PRDM12: variants seen among roughly 807,000 people sequenced by gnomAD.
PRDM12 encodes the protein PR domain zinc finger protein 12.
PRDM12 carries 17 observed loss-of-function variants against 29.6 expected under a neutral mutation model. The observed-to-expected ratio is 0.57, with a 90% CI of 0.39 to 0.86. The LOEUF (loss-of-function observed/expected upper bound fraction) is 0.86. Among genes scored for constraint, PRDM12 ranks in the 40% least tolerant of loss-of-function variants. The pLI, the probability that PRDM12 is intolerant of heterozygous loss-of-function variation, is 0.00. For synonymous variants in PRDM12, 231 were observed against 225.8 expected (o/e 1.02, Z -0.21); for missense variants, 422 against 510.8 (o/e 0.83, Z 1.68).
At chr9:130,675,728 C>T (rs1193918921) in intron 3 of PRDM12, among the ~76,000 whole-genome samples, 2 of 152,220 alleles carry the variant, frequency 1.3e-5, no homozygotes, top group African/African-American at 4.8e-5. Context: ...CCCGAGGTGA[C>T]TTGCTCAGCA....
At chr9:130,674,366 C>T (rs1458801968) in intron 3 of PRDM12, among the ~76,000 whole-genome samples, 4 of 151,974 alleles carry the variant, frequency 2.6e-5, no homozygotes, top group Admixed American at 6.6e-5. Context: ...CCAGGCTGGT[C>T]TTGAACCCCT....
chr9:130,669,390 G>A (rs1830766549), intron 3 of PRDM12, among the ~76,000 whole-genome samples: 1 of 152,010 alleles, frequency 6.6e-6, no homozygotes, highest in African/African-American at 2.4e-5. Flanking sequence ...GGGCGTGGTG[G>A]CAGACGCCTG....
In PRDM12 at chr9:130,681,257, A is replaced by C; in HGVS notation, c.692A>C (p.His231Pro). 1 of 1,467,828 alleles carries C rather than the reference A, an allele frequency of 6.8e-7. No homozygotes were observed. The highest frequency in any genetic ancestry group is 2.0e-5 in the Admixed American group (1 of 50,614). 90.9% of individuals were successfully genotyped at this position (1,467,828 alleles called of 1,614,324 possible). A position where few individuals can be genotyped will look rare whatever the true frequency, so the allele number is the denominator to read the frequency against. The change falls in exon 5 of 5, where the codon CAC becomes CCC. Residue 231 changes from histidine (H) to proline (P), a missense_variant. Around this residue, in one of 5 missense-constraint regions of PRDM12, gnomAD observed 300 missense variants for 350.0 expected, o/e 0.86. Coordinates refer to ENST00000253008, the MANE Select transcript of PRDM12 (RefSeq NM_021619.3). This position sits in a 1 kb window ranked among gnomAD's most constrained non-coding sequence, Gnocchi z 8.1. Reference sequence around the variant, plus strand: ...CCCGCCCCGCGGCCAGAGGACTTCCACCCGGCGGACTCGGCGGCTGGCCCC... The same window carrying C: ...CCCGCCCCGCGGCCAGAGGACTTCCCCCCGGCGGACTCGGCGGCTGGCCCC... ...DQKKNKHEDF[H>P]PADSAAGPAG...
In PRDM12 at chr9:130,668,077, AGT is replaced by A. The variant is rs1830749822; in HGVS notation, c.415-71_415-70del. 61 of 1,482,008 alleles carry A rather than the reference AGT, an allele frequency of 4.1e-5. No individual in the cohort carries two copies. Among genetic ancestry groups the A allele is most frequent in the South Asian group, 1.2e-4 (10 of 83,666 alleles). 91.8% of individuals were successfully genotyped at this position (1,482,008 alleles called of 1,614,324 possible). ...TCCTGGGGCTGTTGTGAGGATGGAG[AGT>A]GTGTGTGTGGATGTGCCTGGAAGAT... On this transcript the variant is annotated intron_variant, in intron 2 of 4. Transcript: ENST00000253008. This position sits in a 1 kb window ranked among gnomAD's most constrained non-coding sequence, Gnocchi z 4.0.
chr9:130,672,431 T>C lies in PRDM12; in HGVS notation c.570+4118T>C, dbSNP rs149880305. ...CTCAGACTCCTGACCTCAAGCGATCTGCCCGCCTCGGCCTCCCAAAGTGCT... is the reference window on the plus strand; with the variant it reads ...CTCAGACTCCTGACCTCAAGCGATCCGCCCGCCTCGGCCTCCCAAAGTGCT... On this transcript the variant is annotated intron_variant, in intron 3 of 4. Transcript: ENST00000253008. Among the ~76,000 whole-genome samples, 668 of 152,304 alleles carry C rather than the reference T, an allele frequency of 4.4e-3. 6 individuals carry two copies. Among genetic ancestry groups the C allele is most frequent in the African/African-American group, 0.016 (646 of 41,570 alleles).
Position 130,668,330 on chromosome 9 carries a change from G to A in PRDM12, c.570+17G>A, listed in dbSNP as rs1362393942. On this transcript the variant is annotated intron_variant, in intron 3 of 4. Coordinates refer to ENST00000253008, the MANE Select transcript of PRDM12 (RefSeq NM_021619.3). The surrounding 1 kb of genome is among the most constrained non-coding windows in gnomAD (Gnocchi z 4.0). ...GCCATTGAGGTGTGTGTGTGTGTGT[G>A]CACTGTTGTGTAGGGACCAGCCGGT... 4 of 1,612,804 alleles carry A rather than the reference G, an allele frequency of 2.5e-6. No individual in the cohort carries two copies. Among genetic ancestry groups the A allele is most frequent in the East Asian group, 2.2e-5 (1 of 44,870 alleles).
chr9:130,680,659 A>ATATATATATATATATATATTTTT, intron 4 of PRDM12, among the ~76,000 whole-genome samples: 4 of 72,160 alleles, frequency 5.5e-5, no homozygotes, highest in East Asian at 6.4e-4. Context: ...ATATATATAT[A>ATATATATATATATATATATTTTT]TTTTTTTTTT....
intron 3 of PRDM12, among the ~76,000 whole-genome samples, chr9:130,674,061 C>T (rs1434947875): frequency 1.6e-5 from 2 of 122,634 alleles, no homozygotes; most frequent in African/African-American, 6.5e-5. Context: ...GTCTCCCAGG[C>T]TGGAGTGCAA....
At chr9:130,666,889 C>T (rs1830739016) in intron 2 of PRDM12, 91 bp downstream of exon 2, 1 of 1,473,166 alleles carries the variant, frequency 6.8e-7, no homozygotes, top group Non-Finnish European at 9.1e-7. Context: ...GCCGCTTCCA[C>T]CCGGGCTGAG....
intron 1 of PRDM12, among the ~76,000 whole-genome samples, 191 bp from the exon 2 acceptor site, chr9:130,666,417 C>T (rs1830733485): frequency 6.6e-6 from 1 of 152,252 alleles, no homozygotes; most frequent in Admixed American, 6.5e-5. Context: ...CTCCAGGTTG[C>T]AAACAGAGGA....
At position 130,668,321 on chromosome 9, in the gene PRDM12, T is replaced by A. The variant is rs896794430; in HGVS notation, c.570+8T>A. The stretch of plus-strand genomic sequence containing the variant: ...TTCTACAAGGCCATTGAGGTGTGTG[T>A]GTGTGTGTGCACTGTTGTGTAGGGA... On this transcript the variant is annotated splice_region_variant and intron_variant, in intron 3 of 4. Coordinates refer to ENST00000253008, the MANE Select transcript of PRDM12 (RefSeq NM_021619.3). This position sits in a 1 kb window ranked among gnomAD's most constrained non-coding sequence, Gnocchi z 4.0. The A allele has an allele frequency of 2.5e-6, 4 of 1,613,574 alleles. No individual in the cohort carries two copies. In the African/African-American group the frequency reaches 5.3e-5, roughly 22 times the overall value.
intron 3 of PRDM12, among the ~76,000 whole-genome samples, chr9:130,673,982 TTTTTG>T (rs1300508828): frequency 1.3e-5 from 2 of 150,264 alleles, no homozygotes; most frequent in Non-Finnish European, 3.0e-5. Flanking sequence ...TTATTTTTTC[TTTTTG>T]TTTTTCTTTT....
chr9:130,678,637 C>A lies in PRDM12; in HGVS notation c.679C>A (p.His227Asn). The change falls in exon 4 of 5, where the codon CAT becomes AAT. Residue 227 changes from histidine (H) to asparagine (N), a missense_variant. Around this residue, in one of 5 missense-constraint regions of PRDM12, gnomAD observed 300 missense variants for 350.0 expected, o/e 0.86. Coordinates refer to ENST00000253008, the MANE Select transcript of PRDM12 (RefSeq NM_021619.3). Reference protein sequence around the residue: ...GLEEDQKKNKHEDFHPADSAA... With the variant: ...GLEEDQKKNKNEDFHPADSAA... ...AGAGGAGGACCAGAAAAAGAACAAG[C>A]ATGGTAGGTGTTCCCCATGGGGCCG... 6.2e-7 allele frequency: 1 copy of A among 1,603,796 alleles called. No individual in the cohort carries two copies. Among genetic ancestry groups the A allele is most frequent in the Non-Finnish European group, 8.5e-7 (1 of 1,171,232 alleles).
chr9:130,665,022 GT>G, intron 1 of PRDM12, 146 bp downstream of exon 1: 1 of 837,360 alleles, frequency 1.2e-6, no homozygotes, highest in African/African-American at 1.8e-5. Flanking sequence ...GTGCACCTCA[GT>G]TTCCCCATGG....
At chr9:130,670,599 C>A (rs1309222226) in intron 3 of PRDM12, among the ~76,000 whole-genome samples, 3 of 152,174 alleles carry the variant, frequency 2.0e-5, no homozygotes, top group Admixed American at 6.5e-5. Context: ...GCCACCACAT[C>A]CTAAAATTGG....
chr9:130,664,956 G>C lies in PRDM12; in HGVS notation c.223+80G>C. The C allele has an allele frequency of 7.3e-7, 1 of 1,370,056 alleles. No individual in the cohort carries two copies. Among genetic ancestry groups the C allele is most frequent in the Non-Finnish European group, 9.8e-7 (1 of 1,023,896 alleles). The allele number at this position is 1,370,056 out of a possible 1,614,324, so 84.9% of individuals were successfully genotyped here. A position where few individuals can be genotyped will look rare whatever the true frequency, so the allele number is the denominator to read the frequency against. On this transcript the variant is annotated intron_variant, in intron 1 of 4. Transcript: ENST00000253008. The surrounding 1 kb of genome is among the most constrained non-coding windows in gnomAD (Gnocchi z 6.4). ...CCGTCCTGGCGATGCGCGAGACGCG[G>C]CTGGGATACCCGGCCTCGCTGCTAC...
chr9:130,681,531 G>C lies in PRDM12; in HGVS notation c.966G>C (p.Arg322=), dbSNP rs1467411267. ...AGLRAHQKSA[R]HRPPSTALQA... Reference sequence around the variant, plus strand: ...TGCGCGCCCACCAGAAGAGCGCGCGGCACCGGCCGCCCAGCACCGCGCTGC... The same window carrying C: ...TGCGCGCCCACCAGAAGAGCGCGCGCCACCGGCCGCCCAGCACCGCGCTGC... Residue 322 remains arginine (R), a synonymous_variant, in exon 5 of 5, where the codon CGG becomes CGC. Coordinates refer to ENST00000253008, the MANE Select transcript of PRDM12 (RefSeq NM_021619.3). This position sits in a 1 kb window ranked among gnomAD's most constrained non-coding sequence, Gnocchi z 8.1. 3 of 1,363,270 alleles carry C rather than the reference G, an allele frequency of 2.2e-6. No homozygotes were observed. The highest frequency in any genetic ancestry group is 1.5e-5 in the African/African-American group (1 of 66,298). 84.4% of individuals were successfully genotyped at this position (1,363,270 alleles called of 1,614,324 possible). A position where few individuals can be genotyped will look rare whatever the true frequency, so the allele number is the denominator to read the frequency against.
intron 3 of PRDM12, among the ~76,000 whole-genome samples, chr9:130,672,562 G>A (rs1019897911): frequency 2.6e-5 from 4 of 152,098 alleles, no homozygotes; most frequent in East Asian, 1.9e-4. Context: ...TTTTTATGAC[G>A]GCGAAACTGA....
At chr9:130,672,706 T>C (rs1393845051) in intron 3 of PRDM12, among the ~76,000 whole-genome samples, 2 of 152,168 alleles carry the variant, frequency 1.3e-5, no homozygotes, top group African/African-American at 2.4e-5. Context: ...ACTCTATTAA[T>C]TGGTGTGTCG....
Sources: gnomAD v4.1 joint callset for allele counts (sites outside exome capture counted in the v4.1 genomes callset) on GRCh38, gnomAD v4.1.1 for gene constraint, gnomAD v4.1.1 regional missense constraint, Gnocchi (gnomAD v3.1) non-coding constraint, MANE v1.5 for transcripts, NCBI Gene and HGNC (gene_info 2026-07-23, HGNC 2026-07-21) for gene names.